The following PI4KB variants were observed in gnomAD, a reference collection of about 807,000 sequenced individuals.
PI4KB encodes the protein phosphatidylinositol 4-kinase beta.
A neutral mutation model predicts 81.4 loss-of-function variants in PI4KB; 23 were observed. The ratio of observed to expected loss-of-function variants is 0.28; its 90% CI spans 0.20 to 0.40. The LOEUF (loss-of-function observed/expected upper bound fraction) is 0.40. PI4KB is among the 10% of genes least tolerant of loss of function. The pLI is 1.00. For synonymous variants in PI4KB, 381 were observed against 406.8 expected (o/e 0.94, Z 0.76); for missense variants, 651 against 1,036.6 (o/e 0.63, Z 5.11).
intron 9 of PI4KB, among the ~76,000 whole-genome samples, chr1:151,295,048 C>G (rs587674336): frequency 6.6e-6 from 1 of 152,272 alleles, no homozygotes; most frequent in African/African-American, 2.4e-5. Context: ...CTGAGTGGAG[C>G]TGAAATGTAA....
intron 2 of PI4KB, among the ~76,000 whole-genome samples, chr1:151,313,699 A>G (rs1647467672): frequency 6.6e-6 from 1 of 152,240 alleles, no homozygotes; most frequent in Admixed American, 6.5e-5. Context: ...ACCAGATATG[A>G]AAACGGTTCA....
chr1:151,305,019 G>A (rs1237471736), intron 5 of PI4KB, among the ~76,000 whole-genome samples: 1 of 151,886 alleles, frequency 6.6e-6, no homozygotes, highest in Non-Finnish European at 1.5e-5. Context: ...TAGTGGAGAC[G>A]GGGTTTCACC....
At chr1:151,315,388 G>C (rs1647767091) in intron 2 of PI4KB, among the ~76,000 whole-genome samples, 185 bp downstream of exon 2, 1 of 152,146 alleles carries the variant, frequency 6.6e-6, no homozygotes, top group Non-Finnish European at 1.5e-5. Context: ...TTCTTCCTTT[G>C]TAAACTAAGG....
intron 11 of PI4KB, 97 bp downstream of exon 11, chr1:151,293,921 A>C: frequency 7.2e-7 from 1 of 1,386,130 alleles, no homozygotes; most frequent in Non-Finnish European, 9.9e-7. Context: ...CCCCTCCCTC[A>C]ACCGAGTCTC....
intron 5 of PI4KB, among the ~76,000 whole-genome samples, chr1:151,305,928 A>G (rs1371667401): frequency 6.6e-6 from 1 of 152,154 alleles, no homozygotes; most frequent in Non-Finnish European, 1.5e-5. Context: ...TTAAATCTGA[A>G]TCCTTCACCT....
At chr1:151,316,841 G>A (rs892516793) in intron 1 of PI4KB, among the ~76,000 whole-genome samples, 2 of 151,362 alleles carry the variant, frequency 1.3e-5, no homozygotes, top group African/African-American at 4.9e-5. Context: ...TGTTGTTGTT[G>A]AGACGGAGTC....
At chr1:151,323,214 G>A (rs1047156033) in intron 1 of PI4KB, among the ~76,000 whole-genome samples, 1 of 152,168 alleles carries the variant, frequency 6.6e-6, no homozygotes, top group Admixed American at 6.6e-5. Flanking sequence ...AAGAAATAGA[G>A]GAACAAATGG....
At chr1:151,318,636 C>T (rs563417837) in intron 1 of PI4KB, among the ~76,000 whole-genome samples, 4 of 151,758 alleles carry the variant, frequency 2.6e-5, no homozygotes, top group South Asian at 2.1e-4. Flanking sequence ...CGCTTGAACC[C>T]GGGAGGCAGA....
At chr1:151,312,071 C>T (rs1362812236) in intron 2 of PI4KB, among the ~76,000 whole-genome samples, 3 of 152,200 alleles carry the variant, frequency 2.0e-5, no homozygotes, top group Admixed American at 6.5e-5. Flanking sequence ...GGCTTTGAAG[C>T]GGCAGGCTTT....
In PI4KB at chr1:151,316,079, C is replaced by G; in HGVS notation, c.403G>C (p.Glu135Gln). 7 of 1,614,128 alleles carry G rather than the reference C, an allele frequency of 4.3e-6. No individual in the cohort carries two copies. Among genetic ancestry groups the G allele is most frequent in the Non-Finnish European group, 5.9e-6 (7 of 1,180,028 alleles). Residue 135 changes from glutamate (E) to glutamine (Q), a missense_variant, in exon 2 of 12, where the codon GAG becomes CAG. This residue lies in a region of PI4KB where 314 missense variants were observed against 397.8 expected (regional missense o/e 0.79). Transcript: ENST00000368873. Reference sequence around the variant, plus strand: ...ATGGAGATGTCAAACAGTTTTGACTCAAACAGCCTCAGCAGCCAAGACTGT... The same window carrying G: ...ATGGAGATGTCAAACAGTTTTGACTGAAACAGCCTCAGCAGCCAAGACTGT... ...AKQSWLLRLF[E>Q]SKLFDISMAI...
rs978462163 is a variant in PI4KB at position 151,298,732 on chromosome 1, A to G, written c.2015+76T>C. The G allele has an allele frequency of 6.9e-6, 10 of 1,448,304 alleles. No homozygotes were observed. The Admixed American group carries it at 1.4e-4, about 21-fold the overall frequency. The allele number at this position is 1,448,304 out of a possible 1,614,324, so 89.7% of individuals were successfully genotyped here. On this transcript the variant is annotated intron_variant, in intron 9 of 11. Transcript: ENST00000368873. ...ATCTTTGCCATGGAGGGCAGTAATA[A>G]GTAATTGAGAACTACACACGAAGGG...
rs1695730753 is a variant in PI4KB at position 151,306,075 on chromosome 1, T to C, written c.1410+61A>G. 19 of 1,348,800 alleles carry C rather than the reference T, an allele frequency of 1.4e-5. 1 individual carries two copies. Among genetic ancestry groups the C allele is most frequent in the Admixed American group, 5.2e-5 (3 of 57,658 alleles). The allele number at this position is 1,348,800 out of a possible 1,614,324, so 83.6% of individuals were successfully genotyped here. On this transcript the variant is annotated intron_variant, in intron 5 of 11. Transcript: ENST00000368873. ...GGGATATGCTGTCTTGTTTCCAATA[T>C]AGTGAAAGCTCCTGGAGAAAGCTCC...
At chr1:151,294,845 C>T (rs1282457680) in intron 9 of PI4KB, among the ~76,000 whole-genome samples, 1 of 152,156 alleles carries the variant, frequency 6.6e-6, no homozygotes, top group East Asian at 1.9e-4. Flanking sequence ...CCAAACTATC[C>T]CAATCTAGTA....
At chr1:151,312,349 A>G (rs1165747786) in intron 2 of PI4KB, among the ~76,000 whole-genome samples, 5 of 152,176 alleles carry the variant, frequency 3.3e-5, no homozygotes, top group Admixed American at 2.0e-4. Flanking sequence ...AGAGACTGGG[A>G]GCAGAGTGTT....
intron 1 of PI4KB, among the ~76,000 whole-genome samples, chr1:151,321,670 G>C (rs1282938000): frequency 6.6e-6 from 1 of 151,770 alleles, no homozygotes; most frequent in Non-Finnish European, 1.5e-5. Context: ...TCAGGAGATG[G>C]AGACCATCCT....
rs967152918 is a variant in PI4KB, at chr1:151,316,276, G to C, written c.206C>G (p.Ser69Cys). Reference sequence around the variant, plus strand: ...CAACTCCAGTGGGGTGCCTCTGCTAGAGACTGCCACGCCTCCATGCAAAAG... The same window carrying C: ...CAACTCCAGTGGGGTGCCTCTGCTACAGACTGCCACGCCTCCATGCAAAAG... ...VKLLHGGVAV[S>C]SRGTPLELVN... Residue 69 changes from serine to cysteine, a missense_variant, in exon 2 of 12, where the codon TCT becomes TGT. Transcript: ENST00000368873. 2 of 1,614,206 alleles carry C rather than the reference G, an allele frequency of 1.2e-6. No individual in the cohort carries two copies. The highest frequency in any genetic ancestry group is 1.7e-6 in the Non-Finnish European group (2 of 1,180,034).
rs536910164 is a variant in PI4KB, at chr1:151,327,292, G to T, written c.-50C>A. 21 of 344,278 alleles carry T rather than the reference G, an allele frequency of 6.1e-5. No homozygotes were observed. Among genetic ancestry groups the T allele is most frequent in the African/African-American group, 3.7e-4 (17 of 46,474 alleles). 21.3% of individuals were successfully genotyped at this position (344,278 alleles called of 1,614,324 possible). ...TTACCTCTGGGGGACCCCCGCGGAG[G>T]GGGTGCGGGCAGTCGCGGTTGGACT... On this transcript the variant is annotated 5_prime_UTR_variant, in exon 1 of 12. Coordinates refer to ENST00000368873, the MANE Select transcript of PI4KB (RefSeq NM_001369623.2).
chr1:151,302,375 T>C, intron 6 of PI4KB, 77 bp from the exon 7 acceptor site: 1 of 980,534 alleles, frequency 1.0e-6, no homozygotes, highest in Admixed American at 1.7e-5. Context: ...TGACATTTCC[T>C]GCACTGTCTC....
intron 1 of PI4KB, among the ~76,000 whole-genome samples, chr1:151,320,016 C>T (rs982328879): frequency 3.9e-5 from 6 of 152,106 alleles, no homozygotes; most frequent in Non-Finnish European, 8.8e-5. Context: ...TGTTCTTGTA[C>T]GTCTGAAATG....
Sources: allele counts gnomAD v4.1 joint callset (sites outside exome capture counted in the v4.1 genomes callset), GRCh38; gene constraint gnomAD v4.1.1; regional missense constraint gnomAD v4.1.1; transcripts MANE v1.5; gene names NCBI Gene and HGNC (gene_info 2026-07-23, HGNC 2026-07-21).